The following KDM4B variants were observed in gnomAD, a reference collection of about 807,000 sequenced individuals.
The protein encoded by KDM4B is lysine-specific demethylase 4B.
In KDM4B, 32 loss-of-function variants were observed where a neutral mutation model predicts 125.2. The observed-to-expected ratio is 0.26, with a 90% CI of 0.19 to 0.34. The LOEUF (loss-of-function observed/expected upper bound fraction) is 0.34, where lower values mean the gene tolerates loss of function less well. Ranked by LOEUF, KDM4B falls within the 10% of genes least tolerant of loss-of-function variation. KDM4B has a pLI of 1.00. For synonymous variants in KDM4B, 721 were observed against 677.9 expected, an observed-to-expected ratio of 1.06 and a Z score of -0.99; for missense variants, 1,190 against 1,577.7, an observed-to-expected ratio of 0.75 and a Z score of 4.16.
chr19:5,048,212 G>A (rs2037091518), intron 6 of KDM4B, among the ~76,000 whole-genome samples: 1 of 152,242 alleles, frequency 6.6e-6, no homozygotes, highest in Non-Finnish European at 1.5e-5. Flanking sequence ...GGTGCAGCGT[G>A]GGCGCTGCTG....
At chr19:5,056,263 G>A (rs1034810840) in intron 6 of KDM4B, among the ~76,000 whole-genome samples, 1 of 152,208 alleles carries the variant, frequency 6.6e-6, no homozygotes, top group African/African-American at 2.4e-5. Context: ...GCAGCCATCA[G>A]CGTGATGTCA....
rs560228694 is a variant in KDM4B at position 5,035,569 on chromosome 19, T to C, written c.141+2538T>C. On this transcript the variant is annotated intron_variant, in intron 3 of 22. Transcript: ENST00000159111. The surrounding 1 kb of genome is among the most constrained non-coding windows in gnomAD (Gnocchi z 5.3). Reference sequence around the variant, plus strand: ...CCTCCGCTTCGTCCCTCCCTCCCTCTGCCTCCTTGGCTGCCGCCTCTTTGA... The same window carrying C: ...CCTCCGCTTCGTCCCTCCCTCCCTCCGCCTCCTTGGCTGCCGCCTCTTTGA... Among the ~76,000 whole-genome samples, 3 of 152,180 alleles carry C rather than the reference T, an allele frequency of 2.0e-5. No homozygotes were observed. The East Asian group carries it at 5.8e-4, about 30-fold the overall frequency.
chr19:5,009,785 G>T (rs900572526), intron 1 of KDM4B, among the ~76,000 whole-genome samples: 1 of 151,910 alleles, frequency 6.6e-6, no homozygotes, highest in Non-Finnish European at 1.5e-5. Context: ...AGGCTGGAGT[G>T]CAGGGGCGCC....
chr19:5,077,382 G>C lies in KDM4B; in HGVS notation c.692G>C (p.Ser231Thr). The change falls in exon 8 of 23, where the codon AGC becomes ACC. Residue 231 changes from serine to threonine, a missense_variant. Transcript: ENST00000159111. Reference sequence around the variant, plus strand: ...TCGGCCCTAGGCTTCTTCCCCGGGAGCTCGCAGGGCTGCGACGCCTTCCTG... The same window carrying C: ...TCGGCCCTAGGCTTCTTCCCCGGGACCTCGCAGGGCTGCGACGCCTTCCTG... ...ERLAIGFFPGSSQGCDAFLRH... is the reference protein window; with the variant it reads ...ERLAIGFFPGTSQGCDAFLRH... 6.2e-7 allele frequency: 1 copy of C among 1,613,016 alleles called. No homozygotes were observed. Among genetic ancestry groups the C allele is most frequent in the Non-Finnish European group, 8.5e-7 (1 of 1,179,950 alleles).
chr19:5,132,758 C>T (rs150589686), intron 13 of KDM4B, among the ~76,000 whole-genome samples: 43 of 152,206 alleles, frequency 2.8e-4, no homozygotes, highest in African/African-American at 8.4e-4. Context: ...TTGGTGAGAC[C>T]GGAGCATTTG....
chr19:4,980,941 T>TGGGGCTGTCTTA (rs376385485), intron 1 of KDM4B, among the ~76,000 whole-genome samples: 1,752 of 64,324 alleles, frequency 0.027, 32 homozygotes, highest in African/African-American at 0.091. Flanking sequence ...AAACCATTTG[T>TGGGGCTGTCTTA]GGGGCTGGGG....
chr19:5,146,244 C>A (rs538110786), intron 21 of KDM4B, among the ~76,000 whole-genome samples: 4 of 151,028 alleles, frequency 2.6e-5, no homozygotes, highest in Admixed American at 1.3e-4. Flanking sequence ...GGACCCCCCC[C>A]GCTCCGCCGT....
chr19:5,043,518 G>A (rs2036903541), intron 5 of KDM4B, among the ~76,000 whole-genome samples: 1 of 146,042 alleles, frequency 6.8e-6, no homozygotes, highest in Non-Finnish European at 1.5e-5. Flanking sequence ...GAGTGGGGGT[G>A]TCCACCATAT....
intron 21 of KDM4B, among the ~76,000 whole-genome samples, chr19:5,146,814 G>A (rs570539776): frequency 1.0e-3 from 147 of 146,476 alleles, no homozygotes; most frequent in Non-Finnish European, 1.5e-3. Flanking sequence ...GGTAGTGTGC[G>A]CGTGTAGTCT....
chr19:5,148,644 G>A (rs1247932983), intron 21 of KDM4B, among the ~76,000 whole-genome samples: 1 of 152,072 alleles, frequency 6.6e-6, no homozygotes, highest in African/African-American at 2.4e-5. Context: ...ACCCGCTGCT[G>A]CCCGTGGCAA....
intron 6 of KDM4B, among the ~76,000 whole-genome samples, chr19:5,070,454 G>A (rs576841636): frequency 6.6e-6 from 1 of 152,380 alleles, no homozygotes; most frequent in African/African-American, 2.4e-5. Flanking sequence ...TCTTTCAAAT[G>A]TAAAATGTGT....
intron 9 of KDM4B, among the ~76,000 whole-genome samples, chr19:5,083,598 C>T (rs1411437526): frequency 1.3e-5 from 2 of 152,188 alleles, no homozygotes; most frequent in South Asian, 4.1e-4. Context: ...AGGCCAGGCT[C>T]GGCCACGTGG....
At chr19:5,094,391 G>T (rs1403977741) in intron 9 of KDM4B, among the ~76,000 whole-genome samples, 1 of 152,258 alleles carries the variant, frequency 6.6e-6, no homozygotes, top group Non-Finnish European at 1.5e-5. Context: ...GTCGGGGGCT[G>T]CAGTAAGGGC....
In KDM4B at chr19:5,116,801, G is replaced by A. The variant is rs562850639; in HGVS notation, c.1116-2852G>A. On this transcript the variant is annotated intron_variant, in intron 10 of 22. Transcript: ENST00000159111. The stretch of plus-strand genomic sequence containing the variant: ...CACAATGTTTATGGGGCATAAAAGC[G>A]TAAACGTGGAATTTGGCTGCAATGG... Among the ~76,000 whole-genome samples, 7 of 152,314 alleles carry A rather than the reference G, an allele frequency of 4.6e-5. No individual in the cohort carries two copies. The East Asian group carries it at 5.8e-4, about 13-fold the overall frequency.
intron 4 of KDM4B, among the ~76,000 whole-genome samples, chr19:5,040,424 CAG>C (rs2036772166): frequency 2.0e-5 from 3 of 152,090 alleles, no homozygotes; most frequent in East Asian, 1.9e-4. Context: ...CATGGGTACA[CAG>C]GGCACACGCA....
In KDM4B at chr19:4,982,985, G is replaced by A. The variant is rs373434381; in HGVS notation, c.-109+13755G>A. Among the ~76,000 whole-genome samples, 15 of 152,240 alleles carry A rather than the reference G, an allele frequency of 9.9e-5. No individual in the cohort carries two copies. In the South Asian group the frequency reaches 2.7e-3, roughly 27 times the overall value. ...CAAGCCCGTGTGTCTGAATTTTCTGGTAGCTGAGTTAAAAGGTGAAGAGAA... is the reference window on the plus strand; with the variant it reads ...CAAGCCCGTGTGTCTGAATTTTCTGATAGCTGAGTTAAAAGGTGAAGAGAA... On this transcript the variant is annotated intron_variant, in intron 1 of 22. Coordinates refer to ENST00000159111, the MANE Select transcript of KDM4B (RefSeq NM_015015.3).
rs1470081495 is a variant in KDM4B, at chr19:4,971,723, C to T, written c.-109+2493C>T. ...ATGGTGGTGTGCAGTCCGCTGCCCT[C>T]GGGCCCAGCTCAGGGAGCAGGCAGG... On this transcript the variant is annotated intron_variant, in intron 1 of 22. Transcript: ENST00000159111. The surrounding 1 kb of genome is among the most constrained non-coding windows in gnomAD (Gnocchi z 4.1). Among the ~76,000 whole-genome samples, 2 of 152,156 alleles carry T rather than the reference C, an allele frequency of 1.3e-5. No individual in the cohort carries two copies. Among genetic ancestry groups the T allele is most frequent in the African/African-American group, 2.4e-5 (1 of 41,416 alleles).
intron 5 of KDM4B, among the ~76,000 whole-genome samples, chr19:5,046,282 G>A (rs2037023929): frequency 6.6e-6 from 1 of 152,240 alleles, no homozygotes; most frequent in Admixed American, 6.5e-5. Flanking sequence ...TTTTACAGCG[G>A]GGGAAACAGC....
Position 5,051,286 on chromosome 19 carries a change from G to C in KDM4B, c.626+3617G>C, listed in dbSNP as rs148273289. Among the ~76,000 whole-genome samples, 62 of 152,344 alleles carry C rather than the reference G, an allele frequency of 4.1e-4. No homozygotes were observed. The East Asian group carries it at 0.011, about 27-fold the overall frequency. On this transcript the variant is annotated intron_variant, in intron 6 of 22. Coordinates refer to ENST00000159111, the MANE Select transcript of KDM4B (RefSeq NM_015015.3). Reference sequence around the variant, plus strand: ...GAGAGTGGAGTGGCCATCCCCCCTCGAGGGCCCTGGCCCACGCTGCCTGGG... The same window carrying C: ...GAGAGTGGAGTGGCCATCCCCCCTCCAGGGCCCTGGCCCACGCTGCCTGGG...
Sources: gnomAD v4.1 joint callset for allele counts (sites outside exome capture counted in the v4.1 genomes callset) on GRCh38, gnomAD v4.1.1 for gene constraint, Gnocchi (gnomAD v3.1) non-coding constraint, MANE v1.5 for transcripts, NCBI Gene and HGNC (gene_info 2026-07-23, HGNC 2026-07-21) for gene names.